The following NAA25 variants were observed in gnomAD, a reference collection of about 807,000 sequenced individuals.
The protein encoded by NAA25 is N-terminal acetyltransferase B complex subunit NAA25.
In NAA25, 30 loss-of-function variants were observed where a neutral mutation model predicts 132.5. That is an observed-to-expected ratio of 0.23 (90% CI 0.17 to 0.31). The LOEUF (loss-of-function observed/expected upper bound fraction) is 0.31. NAA25 is among the 10% of genes least tolerant of loss of function. The pLI is 1.00. For missense variants in NAA25, 771 were observed against 1,150.4 expected, an observed-to-expected ratio of 0.67 and a Z score of 4.77; for synonymous variants, 359 against 401.9, an observed-to-expected ratio of 0.89 and a Z score of 1.28.
chr12:112,040,264 C>G (rs1204932546), intron 21 of NAA25: 2 of 411,320 alleles, frequency 4.9e-6, no homozygotes, highest in Admixed American at 4.6e-5. Context: ...CAGCAAATTT[C>G]AAGAAGTTTT....
intron 7 of NAA25, among the ~76,000 whole-genome samples, chr12:112,076,131 T>C (rs182327360): frequency 1.4e-4 from 22 of 152,148 alleles, no homozygotes; most frequent in African/African-American, 4.1e-4. Context: ...GATCCACCCA[T>C]CCCAGCCTCC....
In NAA25 at chr12:112,086,073, T is replaced by TATATATAC. The variant is rs759148501; in HGVS notation, c.402+1609_402+1610insGTATATAT. ...AAAAATATATATATATATATATATA[T>TATATATAC]ACACACACACACACACACACACACA... On this transcript the variant is annotated intron_variant, in intron 4 of 23. Transcript: ENST00000261745. Among the ~76,000 whole-genome samples, 153 of 53,964 alleles carry TATATATAC rather than the reference T, an allele frequency of 2.8e-3. 1 individual carries two copies. The highest frequency in any genetic ancestry group is 4.1e-3 in the African/African-American group (34 of 8,312). The allele number at this position is 53,964 out of a possible 152,430, so 35.4% of individuals were successfully genotyped here. A position where few individuals can be genotyped will look rare whatever the true frequency, so the allele number is the denominator to read the frequency against.
chr12:112,055,821 C>T (rs1007515056), intron 13 of NAA25, among the ~76,000 whole-genome samples: 1 of 152,104 alleles, frequency 6.6e-6, no homozygotes, highest in Non-Finnish European at 1.5e-5. Context: ...ATACAAGCTA[C>T]TTTTACAGTC....
intron 4 of NAA25, among the ~76,000 whole-genome samples, chr12:112,086,014 CAAAAAAAAAAAAAAAAAAA>C (rs566528517): frequency 1.7e-4 from 2 of 11,984 alleles, no homozygotes; most frequent in East Asian, 2.8e-3. Context: ...GAGACTGTCT[CAAAAAAAAAAAAAAAAAAA>C]AAAAAAAAAA....
In NAA25 at chr12:112,039,772, C is replaced by CAT. The variant is rs547102528; in HGVS notation, c.2539-435_2539-434dup. The stretch of plus-strand genomic sequence containing the variant: ...CACCTTACCTGCAAATCTTAACTTA[C>CAT]ATATGTATGGCAAAATCTACCCAGT... On this transcript the variant is annotated intron_variant, in intron 21 of 23. Coordinates refer to ENST00000261745, the MANE Select transcript of NAA25 (RefSeq NM_024953.4). The CAT allele has an allele frequency of 1.9e-5, 3 of 161,882 alleles. No individual in the cohort carries two copies. The South Asian group carries it at 5.5e-4, about 30-fold the overall frequency. 10.0% of individuals were successfully genotyped at this position (161,882 alleles called of 1,614,324 possible). A position where few individuals can be genotyped will look rare whatever the true frequency, so the allele number is the denominator to read the frequency against.
intron 4 of NAA25, among the ~76,000 whole-genome samples, chr12:112,082,206 CCA>C (rs2078982899): frequency 6.6e-6 from 1 of 152,092 alleles, no homozygotes; most frequent in Non-Finnish European, 1.5e-5. Flanking sequence ...AGAGATCGTG[CCA>C]CTGCACTCTA....
chr12:112,051,692 G>C (rs1156472335), intron 15 of NAA25, among the ~76,000 whole-genome samples: 1 of 152,034 alleles, frequency 6.6e-6, no homozygotes, highest in Non-Finnish European at 1.5e-5. Context: ...AGTCACTTTT[G>C]CCACACACAA....
intron 23 of NAA25, among the ~76,000 whole-genome samples, chr12:112,032,928 T>C (rs2078168840): frequency 6.6e-6 from 1 of 152,156 alleles, no homozygotes; most frequent in Non-Finnish European, 1.5e-5. Context: ...TTCAAGAAGA[T>C]TGTCCCTGGA....
At chr12:112,033,577 C>T (rs1252876231) in intron 22 of NAA25, 198 bp from the exon 23 acceptor site, 3 of 378,278 alleles carry the variant, frequency 7.9e-6, no homozygotes, top group Non-Finnish European at 1.4e-5. Flanking sequence ...AAATAAATTT[C>T]CGATAGATTA....
intron 17 of NAA25, 80 bp downstream of exon 17, chr12:112,047,585 G>T: frequency 6.6e-7 from 1 of 1,512,746 alleles, no homozygotes; most frequent in Non-Finnish European, 9.0e-7. Flanking sequence ...AAGCTGCAGT[G>T]AGCTATGATC....
At chr12:112,086,221 C>T (rs1019436915) in intron 4 of NAA25, among the ~76,000 whole-genome samples, 1 of 150,996 alleles carries the variant, frequency 6.6e-6, no homozygotes, top group Non-Finnish European at 1.5e-5. Context: ...TCCAGCTGGG[C>T]GCACTGGCTC....
intron 15 of NAA25, among the ~76,000 whole-genome samples, chr12:112,050,450 T>G (rs1039064238): frequency 1.3e-5 from 2 of 152,108 alleles, no homozygotes; most frequent in African/African-American, 4.8e-5. Context: ...GTGAAATATA[T>G]GGACATAAAA....
intron 15 of NAA25, among the ~76,000 whole-genome samples, chr12:112,051,737 A>C (rs955069107): frequency 2.0e-5 from 3 of 152,206 alleles, no homozygotes; most frequent in Non-Finnish European, 1.5e-5. Flanking sequence ...ATACAAAAAA[A>C]ACTCTGAGGA....
At chr12:112,054,280 A>C in intron 14 of NAA25, 108 bp downstream of exon 14, 1 of 959,362 alleles carries the variant, frequency 1.0e-6, no homozygotes, top group Admixed American at 2.7e-5. Flanking sequence ...GTTATTATTT[A>C]ATCAGAAAGG....
chr12:112,069,934 C>G (rs2078781008), intron 10 of NAA25, among the ~76,000 whole-genome samples: 2 of 151,780 alleles, frequency 1.3e-5, no homozygotes, highest in African/African-American at 2.4e-5. Context: ...TTGAGACCAG[C>G]CTGGGCAACA....
At chr12:112,085,117 C>T (rs928763154) in intron 4 of NAA25, among the ~76,000 whole-genome samples, 12 of 152,158 alleles carry the variant, frequency 7.9e-5, no homozygotes, top group Non-Finnish European at 1.3e-4. Context: ...GTAATCCCAG[C>T]TATTCAGGAG....
intron 22 of NAA25, 172 bp from the exon 23 acceptor site, chr12:112,033,551 T>G (rs2078179252): frequency 2.3e-6 from 1 of 442,144 alleles, no homozygotes; most frequent in Non-Finnish European, 3.8e-6. Flanking sequence ...AGATACAAAA[T>G]AACACAGTAA....
In NAA25 at chr12:112,073,637, C is replaced by A. The variant is rs551748193; in HGVS notation, c.866+1038G>T. On this transcript the variant is annotated intron_variant, in intron 9 of 23. Transcript: ENST00000261745. The stretch of plus-strand genomic sequence containing the variant: ...ATTTTTAGTAGAGATGGGGTTTCAC[C>A]ATTCACAGGATGGTCTTGATCTCCT... Among the ~76,000 whole-genome samples, 24 of 152,206 alleles carry A rather than the reference C, an allele frequency of 1.6e-4. No individual in the cohort carries two copies. In the East Asian group the frequency reaches 4.1e-3, roughly 26 times the overall value.
chr12:112,095,777 G>A (rs900389473), intron 1 of NAA25, among the ~76,000 whole-genome samples: 1 of 152,170 alleles, frequency 6.6e-6, no homozygotes, highest in South Asian at 2.1e-4. Context: ...TTCTGGAAAA[G>A]GTGAAAAACT....
Sources: gnomAD v4.1 joint callset for allele counts (sites outside exome capture counted in the v4.1 genomes callset) on GRCh38, gnomAD v4.1.1 for gene constraint, MANE v1.5 for transcripts, NCBI Gene and HGNC (gene_info 2026-07-23, HGNC 2026-07-21) for gene names.